MTCL3: variants seen among roughly 807,000 people sequenced by gnomAD.
MTCL3 encodes MTCL family member 3, also known as microtubule cross-linking factor 3.
chr6:127,506,313 T>G, the MTCL3 span, among the ~76,000 whole-genome samples: 5 of 152,300 alleles, frequency 3.3e-5, no homozygotes, highest in East Asian at 9.6e-4. Flanking sequence ...AACTTTTTGT[T>G]GTACTATATG....
At chr6:127,502,476 C>CTATT in the MTCL3 span, among the ~76,000 whole-genome samples, 2 of 152,142 alleles carry the variant, frequency 1.3e-5, no homozygotes, top group Admixed American at 6.5e-5. Flanking sequence ...AAATACAGGC[C>CTATT]TAGTGGAAGA....
At chr6:127,515,704 G>T in the MTCL3 span, 46 of 1,575,906 alleles carry the variant, frequency 2.9e-5, no homozygotes, top group Non-Finnish European at 3.5e-5. The surrounding 1 kb of genome is among the most constrained non-coding windows in gnomAD (Gnocchi z 4.3). Flanking sequence ...GGAGGCGACG[G>T]CCAGGGTCTC....
At chr6:127,514,699 A>T in the MTCL3 span, 1 of 733,566 alleles carries the variant, frequency 1.4e-6, no homozygotes, top group Non-Finnish European at 2.2e-6. Flanking sequence ...GGTTAGCGCT[A>T]CGAAACTGTG....
the MTCL3 span, among the ~76,000 whole-genome samples, chr6:127,487,601 T>C: frequency 6.6e-6 from 1 of 152,170 alleles, no homozygotes; most frequent in Non-Finnish European, 1.5e-5. Context: ...CCAGACAGAC[T>C]GGCAGAGGCA....
chr6:127,498,437 G>T, the MTCL3 span, among the ~76,000 whole-genome samples: 5 of 152,170 alleles, frequency 3.3e-5, no homozygotes, highest in African/African-American at 9.7e-5. Flanking sequence ...AATCAGTATT[G>T]AAAAGGGTGT....
chr6:127,480,634 A>T, the MTCL3 span, among the ~76,000 whole-genome samples: 1 of 152,222 alleles, frequency 6.6e-6, no homozygotes, highest in Non-Finnish European at 1.5e-5. Context: ...CAGAGTGCCA[A>T]TCACTAGACA....
At chr6:127,476,462 T>C in the MTCL3 span, 1 of 1,578,396 alleles carries the variant, frequency 6.3e-7, no homozygotes, top group South Asian at 1.2e-5. The surrounding 1 kb of genome is among the most constrained non-coding windows in gnomAD (Gnocchi z 4.4). Flanking sequence ...AGATCTTCAT[T>C]GTCCTCCTCA....
chr6:127,499,327 C>T, the MTCL3 span, among the ~76,000 whole-genome samples: 605 of 152,200 alleles, frequency 4.0e-3, 3 homozygotes, highest in Non-Finnish European at 6.4e-3. Context: ...AAATTCAACA[C>T]AAGAATGAAA....
chr6:127,476,853 G>T, the MTCL3 span, among the ~76,000 whole-genome samples: 7 of 152,104 alleles, frequency 4.6e-5, no homozygotes, highest in African/African-American at 1.7e-4. This position sits in a 1 kb window ranked among gnomAD's most constrained non-coding sequence, Gnocchi z 4.4. Context: ...ATGCATTTGC[G>T]GCCACTTTTT....
At chr6:127,516,117 C>T in the MTCL3 span, 1 of 1,468,396 alleles carries the variant, frequency 6.8e-7, no homozygotes. Flanking sequence ...CCCCTCCTCC[C>T]CCTTCTCCGA....
chr6:127,507,643 A>G, the MTCL3 span, among the ~76,000 whole-genome samples: 1 of 152,096 alleles, frequency 6.6e-6, no homozygotes, highest in Non-Finnish European at 1.5e-5. Flanking sequence ...GGAGATTGAG[A>G]CCATCCTGGC....
chr6:127,492,829 A>C, the MTCL3 span, among the ~76,000 whole-genome samples: 24 of 152,244 alleles, frequency 1.6e-4, no homozygotes, highest in African/African-American at 5.8e-4. Context: ...GCCCCCAGAA[A>C]AATTTTTTAA....
the MTCL3 span, among the ~76,000 whole-genome samples, chr6:127,473,926 A>G: frequency 6.6e-6 from 1 of 152,202 alleles, no homozygotes; most frequent in Non-Finnish European, 1.5e-5. Flanking sequence ...TTAAATGGCC[A>G]CCATACCTGG....
the MTCL3 span, among the ~76,000 whole-genome samples, chr6:127,492,549 C>A: frequency 6.6e-6 from 1 of 152,146 alleles, no homozygotes; most frequent in Admixed American, 6.5e-5. Flanking sequence ...AAGACGGAGT[C>A]TCACCCTGTC....
At chr6:127,512,379 G>C in the MTCL3 span, among the ~76,000 whole-genome samples, 1 of 152,124 alleles carries the variant, frequency 6.6e-6, no homozygotes, top group Non-Finnish European at 1.5e-5. Context: ...TTCAGGGATA[G>C]TCACTGGTGA....
the MTCL3 span, among the ~76,000 whole-genome samples, chr6:127,494,442 C>T: frequency 6.6e-6 from 1 of 152,110 alleles, no homozygotes; most frequent in African/African-American, 2.4e-5. Context: ...ATAGCACTGA[C>T]AAAAAACTGT....
chr6:127,492,773 C>T, the MTCL3 span, among the ~76,000 whole-genome samples: 1 of 152,268 alleles, frequency 6.6e-6, no homozygotes, highest in Admixed American at 6.5e-5. Flanking sequence ...CCACTCGCCT[C>T]GGCCTCCCAA....
the MTCL3 span, among the ~76,000 whole-genome samples, chr6:127,498,380 TG>T: frequency 6.6e-6 from 1 of 152,172 alleles, no homozygotes; most frequent in Admixed American, 6.5e-5. Flanking sequence ...ACCACAATGA[TG>T]TATCATTTGA....
At chr6:127,494,077 C>T in the MTCL3 span, among the ~76,000 whole-genome samples, 1 of 152,128 alleles carries the variant, frequency 6.6e-6, no homozygotes, top group Non-Finnish European at 1.5e-5. Context: ...TTTGCATGGC[C>T]CTTCAGTTGT....
Sources: gnomAD v4.1 joint callset for allele counts (sites outside exome capture counted in the v4.1 genomes callset) on GRCh38, gnomAD v4.1.1 for gene constraint, Gnocchi (gnomAD v3.1) non-coding constraint, MANE v1.5 for transcripts, NCBI Gene and HGNC (gene_info 2026-07-23, HGNC 2026-07-21) for gene names.